PAK1: variants seen among roughly 807,000 people sequenced by gnomAD.
PAK1 encodes the protein serine/threonine-protein kinase PAK 1.
PAK1 carries 29 observed loss-of-function variants against 67.4 expected under a neutral mutation model. The ratio of observed to expected loss-of-function variants is 0.43; its 90% CI spans 0.32 to 0.59. The LOEUF (loss-of-function observed/expected upper bound fraction) is 0.59. PAK1 is among the 20% of genes least tolerant of loss of function. The pLI is 0.07. For missense variants in PAK1, 337 were observed against 670.7 expected (o/e 0.50, Z 5.50); for synonymous variants, 223 against 237.4 (o/e 0.94, Z 0.56).
At chr11:77,414,113 G>A (rs762662006) in intron 1 of PAK1, among the ~76,000 whole-genome samples, 14 of 152,196 alleles carry the variant, frequency 9.2e-5, no homozygotes, top group Non-Finnish European at 1.8e-4. Context: ...CAGGAGCAAC[G>A]TCCTCCAGGG....
At chr11:77,459,707 T>C (rs1216267439) in intron 1 of PAK1, among the ~76,000 whole-genome samples, 2 of 150,676 alleles carry the variant, frequency 1.3e-5, no homozygotes, top group East Asian at 3.9e-4. Flanking sequence ...TTTTTTTTTT[T>C]TTTGAGACGG....
the PAK1 span, among the ~76,000 whole-genome samples, chr11:77,490,867 C>T: frequency 6.6e-6 from 1 of 152,204 alleles, no homozygotes; most frequent in Non-Finnish European, 1.5e-5. Flanking sequence ...GCTGTGTCCA[C>T]TCAGGGTTAA....
intron 8 of PAK1, 188 bp downstream of exon 8, chr11:77,353,348 T>G (rs569627605): frequency 7.8e-6 from 4 of 513,394 alleles, no homozygotes; most frequent in Middle Eastern, 3.5e-4. Context: ...GCTAATGGCA[T>G]CTCTCTCATA....
At chr11:77,528,026 T>C in the PAK1 span, among the ~76,000 whole-genome samples, 1 of 152,080 alleles carries the variant, frequency 6.6e-6, no homozygotes, top group East Asian at 1.9e-4. Flanking sequence ...ATTTTTTCTA[T>C]TTTTTGTAGA....
chr11:77,424,233 C>T (rs1225824478), intron 1 of PAK1, among the ~76,000 whole-genome samples: 1 of 152,172 alleles, frequency 6.6e-6, no homozygotes, highest in Admixed American at 6.5e-5. Flanking sequence ...GATGCTACTG[C>T]CTCTGCCATC....
chr11:77,478,943 G>A (rs1464891734), upstream of PAK1, among the ~76,000 whole-genome samples: 1 of 151,354 alleles, frequency 6.6e-6, no homozygotes, highest in Non-Finnish European at 1.5e-5. Flanking sequence ...AAATTAGCTG[G>A]GCGTGGTGGC....
At chr11:77,362,587 T>C (rs1946941137) in intron 5 of PAK1, among the ~76,000 whole-genome samples, 1 of 152,248 alleles carries the variant, frequency 6.6e-6, no homozygotes, top group African/African-American at 2.4e-5. Flanking sequence ...CTGCGTAAGA[T>C]ATTAATTCTC....
the PAK1 span, among the ~76,000 whole-genome samples, chr11:77,486,500 G>A: frequency 6.6e-6 from 1 of 152,122 alleles, no homozygotes; most frequent in African/African-American, 2.4e-5. Flanking sequence ...CATAGTACCT[G>A]GTTTTAACTT....
chr11:77,343,488 G>C (rs1286053331), intron 10 of PAK1, among the ~76,000 whole-genome samples: 2 of 152,186 alleles, frequency 1.3e-5, no homozygotes, highest in Non-Finnish European at 2.9e-5. Flanking sequence ...AGGATGAGCA[G>C]AATAAGGAAA....
intron 1 of PAK1, among the ~76,000 whole-genome samples, chr11:77,410,160 T>C (rs1322487758): frequency 1.3e-5 from 2 of 152,088 alleles, no homozygotes; most frequent in African/African-American, 4.8e-5. Flanking sequence ...ATCAGCACTA[T>C]CTCACAGCTG....
At chr11:77,486,654 C>T in the PAK1 span, among the ~76,000 whole-genome samples, 1 of 152,194 alleles carries the variant, frequency 6.6e-6, no homozygotes, top group Non-Finnish European at 1.5e-5. Flanking sequence ...GTGATTGTGG[C>T]ACACTTTGCA....
intron 1 of PAK1, among the ~76,000 whole-genome samples, chr11:77,469,667 T>G (rs1427895273): frequency 6.6e-6 from 1 of 151,060 alleles, no homozygotes. Flanking sequence ...CCCTTAGAAA[T>G]TAAAACATCT....
At chr11:77,417,810 C>T (rs552700249) in intron 1 of PAK1, among the ~76,000 whole-genome samples, 3 of 151,782 alleles carry the variant, frequency 2.0e-5, no homozygotes, top group African/African-American at 4.8e-5. Flanking sequence ...TCCTGGCTCA[C>T]TGCAACCTCC....
intron 1 of PAK1, among the ~76,000 whole-genome samples, chr11:77,415,887 A>G (rs563348613): frequency 1.3e-5 from 2 of 152,108 alleles, no homozygotes; most frequent in African/African-American, 4.8e-5. Flanking sequence ...ACTCTATTGC[A>G]TTAACACTTG....
At chr11:77,429,093 A>AAAAAAAAC (rs1565696611) in intron 1 of PAK1, among the ~76,000 whole-genome samples, 1 of 106,392 alleles carries the variant, frequency 9.4e-6, no homozygotes, top group South Asian at 2.7e-4. Flanking sequence ...AAAAAAAAAA[A>AAAAAAAAC]ACACACACAC....
At chr11:77,333,010 G>A (rs1941977966) in intron 13 of PAK1, 143 bp from the exon 14 acceptor site, 1 of 706,508 alleles carries the variant, frequency 1.4e-6, no homozygotes, top group Admixed American at 2.5e-5. Flanking sequence ...GAAAGAGTAT[G>A]ACCTAAGGAT....
In PAK1 at chr11:77,335,667, T is replaced by A. The variant is rs1429465341; in HGVS notation, c.1413+419A>T. ...TGTTTAAAACATAAATCAGATCACA[T>A]TACTCCTCAGCTCAAAACCCTCTAA... On this transcript the variant is annotated intron_variant, in intron 13 of 14. Transcript: ENST00000356341. Among the ~76,000 whole-genome samples the A allele has an allele frequency of 2.6e-5, 4 of 152,228 alleles. No homozygotes were observed. In the East Asian group the frequency reaches 7.7e-4, roughly 29 times the overall value.
intron 1 of PAK1, among the ~76,000 whole-genome samples, chr11:77,445,377 T>C (rs1053258049): frequency 6.6e-6 from 1 of 152,254 alleles, no homozygotes; most frequent in Non-Finnish European, 1.5e-5. Flanking sequence ...TACAGCCACC[T>C]TTCTCTAAAC....
intron 8 of PAK1, among the ~76,000 whole-genome samples, chr11:77,350,814 T>C (rs1945135513): frequency 6.6e-6 from 1 of 152,138 alleles, no homozygotes; most frequent in Non-Finnish European, 1.5e-5. Context: ...ATTGGATGAC[T>C]TGTACAGGCA....
Sources: gnomAD v4.1 joint callset for allele counts (sites outside exome capture counted in the v4.1 genomes callset) on GRCh38, gnomAD v4.1.1 for gene constraint, MANE v1.5 for transcripts, NCBI Gene and HGNC (gene_info 2026-07-23, HGNC 2026-07-21) for gene names.